Variants in KLF11 observed in about 807,000 individuals in gnomAD.
KLF11 encodes KLF transcription factor 11, also known as Krueppel-like factor 11.
In KLF11, 26 loss-of-function variants were observed where a neutral mutation model predicts 29.9. The observed-to-expected ratio is 0.87, with a 90% CI of 0.64 to 1.21. The LOEUF (loss-of-function observed/expected upper bound fraction) is 1.21. Among genes scored for constraint, KLF11 ranks in the 50% most tolerant of loss-of-function variants. KLF11 has a pLI of 0.00. For missense variants in KLF11, 778 were observed against 665.7 expected, an observed-to-expected ratio of 1.17 and a Z score of -1.86; for synonymous variants, 318 against 257.4, an observed-to-expected ratio of 1.24 and a Z score of -2.25.
chr2:10,043,678 G>T lies in KLF11; in HGVS notation c.-39G>T. The T allele has an allele frequency of 7.9e-7, 1 of 1,273,536 alleles. No homozygotes were observed. Among genetic ancestry groups the T allele is most frequent in the South Asian group, 1.4e-5 (1 of 70,394 alleles). 78.9% of individuals were successfully genotyped at this position (1,273,536 alleles called of 1,614,324 possible). On this transcript the variant is annotated 5_prime_UTR_variant, in exon 1 of 4. Transcript: ENST00000305883. The stretch of plus-strand genomic sequence containing the variant: ...CGGCCGCTGCTGCGCCCGAGCTCAC[G>T]CCCCGCGGCCGCTTTGTTGCTCCCG...
chr2:10,052,192 C>T lies in KLF11; in HGVS notation c.1259-35C>T, dbSNP rs772450635. On this transcript the variant is annotated intron_variant, in intron 3 of 3. Transcript: ENST00000305883. ...CCCTTGAATAAGGTGCTTAGCGTTT[C>T]CTTTCTCTTTAATATGTATTTTCTC... 3.7e-6 allele frequency: 6 copies of T among 1,608,484 alleles called. No homozygotes were observed. The South Asian group carries it at 5.5e-5, about 15-fold the overall frequency.
chr2:10,049,366 G>A (rs1459552227), intron 3 of KLF11, among the ~76,000 whole-genome samples: 1 of 152,254 alleles, frequency 6.6e-6, no homozygotes. Flanking sequence ...GCTTCAGTAG[G>A]TGAGGGCACC....
intron 2 of KLF11, among the ~76,000 whole-genome samples, chr2:10,047,089 T>A (rs1036483517): frequency 6.6e-5 from 10 of 152,154 alleles, no homozygotes; most frequent in Non-Finnish European, 1.5e-4. Context: ...GCATGTACTT[T>A]GACATCAGAT....
At chr2:10,051,133 C>T (rs980425788) in intron 3 of KLF11, among the ~76,000 whole-genome samples, 1 of 151,812 alleles carries the variant, frequency 6.6e-6, no homozygotes, top group Non-Finnish European at 1.5e-5. Flanking sequence ...TGGTCTCCAT[C>T]TCCTGACCTC....
At chr2:10,044,086 G>C (rs966497451) in intron 1 of KLF11, 4 of 713,774 alleles carry the variant, frequency 5.6e-6, no homozygotes, top group Non-Finnish European at 6.9e-6. Flanking sequence ...CCGTTGGGCG[G>C]GGGAGCGGCT....
intron 1 of KLF11, among the ~76,000 whole-genome samples, chr2:10,045,892 A>G (rs940097308): frequency 2.0e-5 from 3 of 152,262 alleles, no homozygotes. Context: ...TGAACTTAGT[A>G]GCCCTTTTTA....
chr2:10,044,977 C>G (rs1661144260), intron 1 of KLF11, among the ~76,000 whole-genome samples: 1 of 152,116 alleles, frequency 6.6e-6, no homozygotes, highest in South Asian at 2.1e-4. Flanking sequence ...GAAAACCGCT[C>G]TCTACTAAAA....
At chr2:10,051,967 T>C (rs1243350969) in intron 3 of KLF11, among the ~76,000 whole-genome samples, 4 of 152,238 alleles carry the variant, frequency 2.6e-5, no homozygotes, top group Non-Finnish European at 5.9e-5. Flanking sequence ...GCTGTACTTG[T>C]ACTTCGCCTG....
In KLF11 at chr2:10,052,389, G is replaced by A. The variant is rs748510822; in HGVS notation, c.1421G>A (p.Arg474Gln). The A allele has an allele frequency of 1.9e-5, 31 of 1,614,000 alleles. No homozygotes were observed. The highest frequency in any genetic ancestry group is 1.9e-5 in the Non-Finnish European group (23 of 1,180,020). Reference protein sequence around the residue: ...MRSDHLTKHARRHMTTKKIPG... With the variant: ...MRSDHLTKHAQRHMTTKKIPG... ...AGTGACCACCTGACGAAGCATGCCC[G>A]GCGCCACATGACGACCAAGAAGATC... The change falls in exon 4 of 4, where the codon CGG becomes CAG. Residue 474 changes from arginine to glutamine, a missense_variant. Coordinates refer to ENST00000305883, the MANE Select transcript of KLF11 (RefSeq NM_003597.5).
chr2:10,043,824 G>A, intron 1 of KLF11, 66 bp downstream of exon 1: 2 of 1,300,752 alleles, frequency 1.5e-6, no homozygotes, highest in South Asian at 1.4e-5. Flanking sequence ...GGGAAGTGGT[G>A]CGGCACTCGC....
rs2125279380 is a variant in KLF11, at chr2:10,048,334, G to C, written c.997G>C (p.Ala333Pro). The C allele has an allele frequency of 6.2e-7, 1 of 1,604,224 alleles. No individual in the cohort carries two copies. The highest frequency in any genetic ancestry group is 1.7e-4 in the Middle Eastern group (1 of 6,014). The change falls in exon 3 of 4, where the codon GCT becomes CCT. Residue 333 changes from alanine (A) to proline (P), a missense_variant. Transcript: ENST00000305883. ...GCCTCAACCTGTGTTCGTGGGACCTGCTGTGCCTCAGGGAGCTGTGATGTT... is the reference window on the plus strand; with the variant it reads ...GCCTCAACCTGTGTTCGTGGGACCTCCTGTGCCTCAGGGAGCTGTGATGTT... ...PAPQPVFVGP[A>P]VPQGAVMLVL... is the part of the protein sequence containing the mutation.
intron 2 of KLF11, 38 bp from the exon 3 acceptor site, chr2:10,047,612 T>C (rs748280709): frequency 6.4e-7 from 1 of 1,555,540 alleles, no homozygotes; most frequent in South Asian, 1.1e-5. Context: ...CCTTTTAAAA[T>C]TTAAAGCAAC....
In KLF11 at chr2:10,054,423, T is replaced by C. The variant is rs1026611860; in HGVS notation, c.*1916T>C. The C allele has an allele frequency of 5.9e-5, 9 of 152,606 alleles. No homozygotes were observed. The highest frequency in any genetic ancestry group is 2.2e-4 in the African/African-American group (9 of 41,468). The allele number at this position is 152,606 out of a possible 1,614,324, so 9.5% of individuals were successfully genotyped here. On this transcript the variant is annotated 3_prime_UTR_variant, in exon 4 of 4. Coordinates refer to ENST00000305883, the MANE Select transcript of KLF11 (RefSeq NM_003597.5). ...GTGATATTTCTAAAGAGGAGATACATGTTGAAAACGGTTTTAATTTACACT... is the reference window on the plus strand; with the variant it reads ...GTGATATTTCTAAAGAGGAGATACACGTTGAAAACGGTTTTAATTTACACT...
In KLF11 at chr2:10,053,635, A is replaced by G. The variant is rs1179149255; in HGVS notation, c.*1128A>G. On this transcript the variant is annotated 3_prime_UTR_variant, in exon 4 of 4. Transcript: ENST00000305883. The stretch of plus-strand genomic sequence containing the variant: ...CGCTAAATGGCAGTAATACTACCCA[A>G]CTGCCTTTCTGTTCATTTTGTTTGA... 2 of 388,250 alleles carry G rather than the reference A, an allele frequency of 5.2e-6. No homozygotes were observed. The highest frequency in any genetic ancestry group is 3.6e-5 in the East Asian group (1 of 27,424). The allele number at this position is 388,250 out of a possible 1,614,324, so 24.1% of individuals were successfully genotyped here.
At position 10,054,071 on chromosome 2, in the gene KLF11, C is replaced by T. The variant is rs1335175655; in HGVS notation, c.*1564C>T. On this transcript the variant is annotated 3_prime_UTR_variant, in exon 4 of 4. Transcript: ENST00000305883. ...TTGTGTGTGACTTGATACCTGTTAACTTGCCCCTTAGTATCAGCTGTTACT... is the reference window on the plus strand; with the variant it reads ...TTGTGTGTGACTTGATACCTGTTAATTTGCCCCTTAGTATCAGCTGTTACT... 6.6e-6 allele frequency: 1 copy of T among 152,216 alleles called. No homozygotes were observed. The highest frequency in any genetic ancestry group is 1.5e-5 in the Non-Finnish European group (1 of 68,060). 9.4% of individuals were successfully genotyped at this position (152,216 alleles called of 1,614,324 possible).
At chr2:10,052,163 T>TA in intron 3 of KLF11, 64 bp from the exon 4 acceptor site, 1 of 1,475,788 alleles carries the variant, frequency 6.8e-7, no homozygotes, top group East Asian at 2.3e-5. Flanking sequence ...TGACATGAAT[T>TA]AACCCCTTGA....
rs1003430284 is a variant in KLF11, at chr2:10,048,254, C to T, written c.917C>T (p.Pro306Leu). 5 of 1,611,114 alleles carry T rather than the reference C, an allele frequency of 3.1e-6. No individual in the cohort carries two copies. The African/African-American group carries it at 4.0e-5, about 13-fold the overall frequency. Residue 306 changes from proline (P) to leucine (L), a missense_variant, in exon 3 of 4, where the codon CCT becomes CTT. Physicochemically the swap from Pro to Leu is moderately conservative, Grantham distance 98. Transcript: ENST00000305883. ...ATGTTACCAGCTTTTTTGAAGCCCC[C>T]TCCCCAGTTGTCTGTGGGGACTGTG... ...SSMLPAFLKP[P>L]PQLSVGTVRP... is the part of the protein sequence containing the mutation.
rs1156912851 is a variant in KLF11 at position 10,053,386 on chromosome 2, G to A, written c.*879G>A. On this transcript the variant is annotated 3_prime_UTR_variant, in exon 4 of 4. Coordinates refer to ENST00000305883, the MANE Select transcript of KLF11 (RefSeq NM_003597.5). ...ACCAAAAAAGAAACACTCAAATCCAGCTGCTTTGTCAATTGTCAGTTCTGA... is the reference window on the plus strand; with the variant it reads ...ACCAAAAAAGAAACACTCAAATCCAACTGCTTTGTCAATTGTCAGTTCTGA... The A allele has an allele frequency of 7.5e-6, 3 of 398,494 alleles. No homozygotes were observed. Among genetic ancestry groups the A allele is most frequent in the Non-Finnish European group, 1.3e-5 (3 of 226,092 alleles). 24.7% of individuals were successfully genotyped at this position (398,494 alleles called of 1,614,324 possible). A position where few individuals can be genotyped will look rare whatever the true frequency, so the allele number is the denominator to read the frequency against.
At chr2:10,047,574 T>C in intron 2 of KLF11, 76 bp from the exon 3 acceptor site, 1 of 1,204,400 alleles carries the variant, frequency 8.3e-7, no homozygotes, top group East Asian at 2.4e-5. Context: ...TGTGTAAAGG[T>C]ATTGGGAGCA....
Sources: allele counts gnomAD v4.1 joint callset (sites outside exome capture counted in the v4.1 genomes callset), GRCh38; gene constraint gnomAD v4.1.1; transcripts MANE v1.5; gene names NCBI Gene and HGNC (gene_info 2026-07-23, HGNC 2026-07-21).